GRM1: variants seen among roughly 807,000 people sequenced by gnomAD.
The protein encoded by GRM1 is metabotropic glutamate receptor 1.
In GRM1, 33 loss-of-function variants were observed where a neutral mutation model predicts 90.9. The ratio of observed to expected loss-of-function variants is 0.36; its 90% confidence interval spans 0.28 to 0.49. GRM1 has a LOEUF of 0.49. GRM1 is among the 20% of genes least tolerant of loss of function. GRM1 has a pLI of 0.99. For missense variants in GRM1, 1,190 were observed against 1,534.3 expected, an observed-to-expected ratio of 0.78 and a Z score of 3.75; for synonymous variants, 700 against 613.2, an observed-to-expected ratio of 1.14 and a Z score of -2.09.
chr6:146,097,659 C>G (rs1776917308), intron 1 of GRM1, among the ~76,000 whole-genome samples: 1 of 152,190 alleles, frequency 6.6e-6, no homozygotes, highest in African/African-American at 2.4e-5. Context: ...AATGAATGCT[C>G]CAGCTTCATC....
At chr6:146,116,236 C>T (rs1329515004) in intron 1 of GRM1, among the ~76,000 whole-genome samples, 1 of 152,108 alleles carries the variant, frequency 6.6e-6, no homozygotes, top group Non-Finnish European at 1.5e-5. Context: ...GGATTACAGG[C>T]ATGAACCATT....
intron 1 of GRM1, among the ~76,000 whole-genome samples, chr6:146,107,392 GACTT>G (rs1775349694): frequency 1.3e-5 from 2 of 149,888 alleles, no homozygotes; most frequent in Non-Finnish European, 3.0e-5. Context: ...AACATTCCTT[GACTT>G]ACTTACAACG....
chr6:146,240,280 T>C (rs1226805905), intron 2 of GRM1, among the ~76,000 whole-genome samples: 1 of 152,014 alleles, frequency 6.6e-6, no homozygotes, highest in Non-Finnish European at 1.5e-5. Flanking sequence ...TCAGGATCCC[T>C]GCAGAATACT....
At chr6:146,239,929 C>T (rs1460863478) in intron 2 of GRM1, among the ~76,000 whole-genome samples, 2 of 152,058 alleles carry the variant, frequency 1.3e-5, no homozygotes, top group Admixed American at 6.6e-5. Flanking sequence ...GTGAGAACCA[C>T]GAGGTCATGA....
intron 7 of GRM1, among the ~76,000 whole-genome samples, chr6:146,422,023 G>C (rs1778013111): frequency 6.6e-6 from 1 of 152,150 alleles, no homozygotes. Context: ...AAATGGTCTT[G>C]AGTGGTGGCT....
chr6:146,120,900 T>G (rs1775960394), intron 1 of GRM1, among the ~76,000 whole-genome samples: 1 of 152,148 alleles, frequency 6.6e-6, no homozygotes, highest in Non-Finnish European at 1.5e-5. Flanking sequence ...AAAATTCTCT[T>G]TTTTTGTTTT....
rs118126002 is a variant in GRM1 at position 146,073,048 on chromosome 6, T to C, written c.700+42831T>C. ...CCTCAAACTTTCCCAGCTTCTACTC[T>C]ATCTTTTTTTGGGGGGAGATGATGA... On this transcript the variant is annotated intron_variant, in intron 1 of 7. Transcript: ENST00000282753. Among the ~76,000 whole-genome samples, 612 of 152,256 alleles carry C rather than the reference T, an allele frequency of 4.0e-3. 19 individuals carry two copies. The East Asian group carries it at 0.071, about 18-fold the overall frequency.
chr6:146,178,532 C>A (rs909741851), intron 2 of GRM1, among the ~76,000 whole-genome samples: 3 of 152,100 alleles, frequency 2.0e-5, no homozygotes, highest in Non-Finnish European at 4.4e-5. Flanking sequence ...TAATTTCATA[C>A]AATATTTTTA....
At chr6:146,155,503 TGTGGTAAAGTGTCAC>T (rs1777492995) in intron 1 of GRM1, among the ~76,000 whole-genome samples, 4 of 152,208 alleles carry the variant, frequency 2.6e-5, no homozygotes, top group African/African-American at 9.6e-5. Flanking sequence ...AACATATCCC[TGTGGTAAAGTGTCAC>T]ATGACTATAT....
chr6:146,173,568 G>A (rs1389053499), intron 2 of GRM1, among the ~76,000 whole-genome samples: 3 of 151,702 alleles, frequency 2.0e-5, no homozygotes, highest in Admixed American at 6.6e-5. Context: ...ATTCTAGACA[G>A]TAAAAATAAA....
chr6:146,380,581 T>A (rs1478030789), intron 5 of GRM1, among the ~76,000 whole-genome samples: 9 of 152,096 alleles, frequency 5.9e-5, no homozygotes, highest in Non-Finnish European at 1.3e-4. Context: ...GAAATGTAGT[T>A]CAAGAGTCAA....
intron 1 of GRM1, among the ~76,000 whole-genome samples, chr6:146,154,910 T>A (rs978447559): frequency 2.0e-5 from 3 of 152,234 alleles, no homozygotes; most frequent in Non-Finnish European, 4.4e-5. Flanking sequence ...AAAATAATGT[T>A]TCATTTTAAA....
At chr6:146,094,006 A>G (rs1776796910) in intron 1 of GRM1, among the ~76,000 whole-genome samples, 1 of 152,090 alleles carries the variant, frequency 6.6e-6, no homozygotes, top group African/African-American at 2.4e-5. Flanking sequence ...AATTTTGTTT[A>G]GAGGCTCAGA....
intron 7 of GRM1, among the ~76,000 whole-genome samples, chr6:146,415,721 G>A (rs373897383): frequency 6.9e-4 from 105 of 152,176 alleles, no homozygotes; most frequent in East Asian, 1.5e-3. Flanking sequence ...AAAGTTCATC[G>A]TTATGTTTGA....
At chr6:146,431,077 A>T (rs1778389615) in intron 7 of GRM1, among the ~76,000 whole-genome samples, 1 of 152,348 alleles carries the variant, frequency 6.6e-6, no homozygotes, top group Non-Finnish European at 1.5e-5. Flanking sequence ...TGTCTGTGAG[A>T]TGATACATTC....
At chr6:146,101,514 C>T (rs779079562) in intron 1 of GRM1, among the ~76,000 whole-genome samples, 7 of 152,224 alleles carry the variant, frequency 4.6e-5, no homozygotes, top group South Asian at 2.1e-4. Context: ...TGATGGGCCA[C>T]GCTTCTGTCT....
chr6:146,410,803 A>G (rs116509047), intron 7 of GRM1, among the ~76,000 whole-genome samples: 1 of 152,180 alleles, frequency 6.6e-6, no homozygotes, highest in Non-Finnish European at 1.5e-5. Context: ...TGAAGAAAAA[A>G]ATAAAAGGTT....
At chr6:146,140,090 A>ATTCATTCTTTCT (rs1554272173) in intron 1 of GRM1, among the ~76,000 whole-genome samples, 6 of 57,874 alleles carry the variant, frequency 1.0e-4, no homozygotes, top group Admixed American at 4.9e-4. Context: ...TTCTTTCTTT[A>ATTCATTCTTTCT]TTCTTTCTTT....
chr6:146,340,235 T>C (rs1367748499), intron 3 of GRM1, among the ~76,000 whole-genome samples: 1 of 152,196 alleles, frequency 6.6e-6, no homozygotes. Context: ...ATCATGCTGA[T>C]CAATCTTTTC....
Sources: gnomAD v4.1 joint callset for allele counts (sites outside exome capture counted in the v4.1 genomes callset) on GRCh38, gnomAD v4.1.1 for gene constraint, MANE v1.5 for transcripts, NCBI Gene and HGNC (gene_info 2026-07-23, HGNC 2026-07-21) for gene names.